Variants in AGPS observed in about 807,000 individuals in gnomAD.
AGPS encodes the protein alkyldihydroxyacetonephosphate synthase, peroxisomal.
AGPS carries 26 observed loss-of-function variants against 90.7 expected under a neutral mutation model. The ratio of observed to expected loss-of-function variants is 0.29; its 90% CI spans 0.21 to 0.40. AGPS has a LOEUF of 0.40. Ranked by LOEUF, AGPS falls within the 10% of genes least tolerant of loss-of-function variation. AGPS has a pLI of 1.00. For synonymous variants in AGPS, 294 were observed against 285.3 expected (o/e 1.03, Z -0.31); for missense variants, 540 against 816.1 (o/e 0.66, Z 4.12).
intron 17 of AGPS, among the ~76,000 whole-genome samples, chr2:177,519,833 A>G (rs1689128011): frequency 6.6e-6 from 1 of 152,218 alleles, no homozygotes; most frequent in Non-Finnish European, 1.5e-5. Context: ...GCAAAGTGAA[A>G]GCAAGTTTAT....
At chr2:177,396,589 G>A (rs191064392) in intron 1 of AGPS, among the ~76,000 whole-genome samples, 6 of 152,260 alleles carry the variant, frequency 3.9e-5, no homozygotes, top group Non-Finnish European at 7.4e-5. Flanking sequence ...ATTGGAGAAC[G>A]GTAAGGATGG....
intron 5 of AGPS, among the ~76,000 whole-genome samples, 154 bp from the exon 6 acceptor site, chr2:177,440,811 G>A (rs1410659994): frequency 6.6e-6 from 1 of 152,106 alleles, no homozygotes; most frequent in Non-Finnish European, 1.5e-5. Flanking sequence ...AGTTAAAAAG[G>A]TAAAGTGTTT....
chr2:177,434,997 G>GGATATA (rs36151985), intron 3 of AGPS, among the ~76,000 whole-genome samples: 4 of 128,160 alleles, frequency 3.1e-5, no homozygotes, highest in Non-Finnish European at 6.5e-5. Context: ...TAAACTGTAG[G>GGATATA]TATATATATA....
At chr2:177,520,022 A>G (rs772524431) in intron 17 of AGPS, among the ~76,000 whole-genome samples, 1 of 152,188 alleles carries the variant, frequency 6.6e-6, no homozygotes, top group Non-Finnish European at 1.5e-5. Flanking sequence ...GCATTTGTAA[A>G]CTGACATGGC....
intron 8 of AGPS, among the ~76,000 whole-genome samples, chr2:177,456,085 C>T (rs536245570): frequency 2.8e-4 from 42 of 152,182 alleles, no homozygotes; most frequent in African/African-American, 8.9e-4. Flanking sequence ...CTTTGGGAGG[C>T]CAAAGCAGGA....
At position 177,513,165 on chromosome 2, in the gene AGPS, G is replaced by C. The variant is rs144363818; in HGVS notation, c.1608-654G>C. The stretch of plus-strand genomic sequence containing the variant: ...GCTGGAGTGCAGTGGCGCAACCATG[G>C]CTCACTGTAGTCCTGCCCTCCTGGG... On this transcript the variant is annotated intron_variant, in intron 16 of 19. Transcript: ENST00000264167. Among the ~76,000 whole-genome samples the C allele has an allele frequency of 3.1e-3, 469 of 152,202 alleles. 2 individuals are homozygous for C. Among genetic ancestry groups the C allele is most frequent in the African/African-American group, 0.011 (440 of 41,514 alleles).
intron 2 of AGPS, among the ~76,000 whole-genome samples, chr2:177,420,592 G>A (rs181861627): frequency 6.6e-6 from 1 of 151,334 alleles, no homozygotes; most frequent in Admixed American, 6.6e-5. Flanking sequence ...AAAAAATAAG[G>A]ACCTAATATA....
intron 11 of AGPS, among the ~76,000 whole-genome samples, chr2:177,482,458 G>A (rs1335661383): frequency 1.3e-5 from 2 of 151,936 alleles, no homozygotes; most frequent in African/African-American, 4.8e-5. Context: ...AGGTAAGATA[G>A]TACTTTGATT....
intron 11 of AGPS, among the ~76,000 whole-genome samples, chr2:177,483,218 C>T (rs189527680): frequency 1.3e-5 from 2 of 152,206 alleles, no homozygotes; most frequent in Admixed American, 1.3e-4. Context: ...TTCCCATCAT[C>T]TCAAGACAAC....
At chr2:177,398,469 T>C (rs1685245225) in intron 1 of AGPS, among the ~76,000 whole-genome samples, 1 of 152,220 alleles carries the variant, frequency 6.6e-6, no homozygotes, top group Non-Finnish European at 1.5e-5. Flanking sequence ...AGTTAATTTA[T>C]CTAAGGCCTT....
intron 8 of AGPS, among the ~76,000 whole-genome samples, chr2:177,455,451 CTT>C (rs961459898): frequency 4.7e-5 from 7 of 147,868 alleles, no homozygotes; most frequent in African/African-American, 1.7e-4. Context: ...TGTTTGAAAA[CTT>C]TTTTTTTTTC....
At chr2:177,451,669 T>C (rs1686956529) in intron 8 of AGPS, among the ~76,000 whole-genome samples, 2 of 152,218 alleles carry the variant, frequency 1.3e-5, no homozygotes, top group South Asian at 4.1e-4. Context: ...ATGCCCTTTA[T>C]CAAGTTGAAG....
chr2:177,393,778 G>A (rs1489236065), intron 1 of AGPS, among the ~76,000 whole-genome samples: 2 of 149,348 alleles, frequency 1.3e-5, no homozygotes, highest in East Asian at 3.9e-4. Context: ...TTTTAGTAGA[G>A]ACAGGGTTTC....
At chr2:177,514,058 A>G in intron 17 of AGPS, 150 bp downstream of exon 17, 1 of 659,402 alleles carries the variant, frequency 1.5e-6, no homozygotes, top group Non-Finnish European at 2.7e-6. Flanking sequence ...CCTTGTTAGG[A>G]TTGTGCCACT....
intron 5 of AGPS, among the ~76,000 whole-genome samples, chr2:177,439,295 G>A (rs145251704): frequency 5.3e-4 from 80 of 152,266 alleles, no homozygotes; most frequent in African/African-American, 1.8e-3. Context: ...GTAACATATT[G>A]GGTAGTGTTA....
intron 1 of AGPS, among the ~76,000 whole-genome samples, chr2:177,413,708 G>A (rs1446345624): frequency 1.3e-5 from 2 of 152,250 alleles, no homozygotes; most frequent in African/African-American, 4.8e-5. Flanking sequence ...TCCTCATTAC[G>A]TAGATCAACA....
chr2:177,434,824 T>C (rs1686348647), intron 3 of AGPS, among the ~76,000 whole-genome samples: 1 of 151,860 alleles, frequency 6.6e-6, no homozygotes, highest in Non-Finnish European at 1.5e-5. Flanking sequence ...CTAGGATTAA[T>C]AGAGAATAAT....
At chr2:177,478,169 T>C (rs1221414118) in intron 10 of AGPS, among the ~76,000 whole-genome samples, 4 of 152,220 alleles carry the variant, frequency 2.6e-5, no homozygotes, top group Non-Finnish European at 5.9e-5. Flanking sequence ...GAATATGTTA[T>C]CTCACCACTG....
chr2:177,416,432 A>G (rs1162898362), intron 1 of AGPS, among the ~76,000 whole-genome samples: 1 of 152,166 alleles, frequency 6.6e-6, no homozygotes, highest in Non-Finnish European at 1.5e-5. Context: ...TCAGTTTGGT[A>G]CTGTGGTTAG....
Sources: allele counts gnomAD v4.1 joint callset (sites outside exome capture counted in the v4.1 genomes callset), GRCh38; gene constraint gnomAD v4.1.1; transcripts MANE v1.5; gene names NCBI Gene and HGNC (gene_info 2026-07-23, HGNC 2026-07-21).